The following PSMG2 variants were observed in gnomAD, a reference collection of about 807,000 sequenced individuals.
PSMG2 encodes the protein proteasome assembly chaperone 2, also known as CD40 ligand-activated specific transcript 3.
A neutral mutation model predicts 31.5 loss-of-function variants in PSMG2; 21 were observed. That is an observed-to-expected ratio of 0.67 (90% CI 0.47 to 0.96). PSMG2 has a LOEUF of 0.96. PSMG2 is among the 40% of genes least tolerant of loss of function. PSMG2 has a pLI of 0.00. For synonymous variants in PSMG2, 120 were observed against 110.4 expected, an observed-to-expected ratio of 1.09 and a Z score of -0.54; for missense variants, 318 against 321.2, an observed-to-expected ratio of 0.99 and a Z score of 0.08.
At chr18:12,719,764 C>T (rs1360159564) in intron 4 of PSMG2, among the ~76,000 whole-genome samples, 2 of 148,178 alleles carry the variant, frequency 1.3e-5, no homozygotes, top group Non-Finnish European at 3.0e-5. Context: ...TTCTCAGTTG[C>T]CCAGGCTGGA....
rs947527287 is a variant in PSMG2 at position 12,661,966 on chromosome 18, T to G, written c.-37+3193T>G. The G allele has an allele frequency of 2.7e-5, 7 of 256,882 alleles. No individual in the cohort carries two copies. The East Asian group carries it at 3.0e-4, about 11-fold the overall frequency. 15.9% of individuals were successfully genotyped at this position (256,882 alleles called of 1,614,324 possible). On this transcript the variant is annotated intron_variant, in intron 1 of 6. Coordinates refer to the PSMG2 transcript ENST00000585331. Reference sequence around the variant, plus strand: ...TGTTACTCTGAATATGATTTTGTTTTGTTGATTTTGTTACTTTATTAAAAA... The same window carrying G: ...TGTTACTCTGAATATGATTTTGTTTGGTTGATTTTGTTACTTTATTAAAAA...
intron 1 of PSMG2, among the ~76,000 whole-genome samples, chr18:12,682,087 C>T (rs543515710): frequency 1.3e-5 from 2 of 152,122 alleles, no homozygotes; most frequent in East Asian, 1.9e-4. Context: ...GTTACAATTT[C>T]GTATTTAAGT....
intron 1 of PSMG2, chr18:12,673,614 T>A (rs912007348): frequency 5.6e-5 from 45 of 799,920 alleles, no homozygotes; most frequent in Non-Finnish European, 8.4e-5. Context: ...GCGTGGTGGC[T>A]CATGCCTGTA....
intron 1 of PSMG2, among the ~76,000 whole-genome samples, chr18:12,692,971 C>T (rs2039822245): frequency 6.6e-6 from 1 of 152,152 alleles, no homozygotes; most frequent in Admixed American, 6.5e-5. Flanking sequence ...TACAGGAATG[C>T]ACCACCATGT....
upstream of PSMG2, among the ~76,000 whole-genome samples, chr18:12,701,273 A>G (rs1445762473): frequency 2.0e-5 from 3 of 152,214 alleles, no homozygotes; most frequent in African/African-American, 7.2e-5. Context: ...TTGAGTACAA[A>G]TTCTAGAAAT....
intron 1 of PSMG2, chr18:12,665,008 G>GA (rs1192277437): frequency 1.3e-5 from 2 of 152,004 alleles, no homozygotes; most frequent in Non-Finnish European, 2.9e-5. Context: ...TCTTTATTGA[G>GA]AAAAGATGGC....
chr18:12,678,467 T>C, intron 1 of PSMG2: 1 of 1,464,130 alleles, frequency 6.8e-7, no homozygotes, highest in Non-Finnish European at 9.2e-7. Context: ...TAATTTTATA[T>C]ATGAGAACTT....
At chr18:12,720,704 ATTTG>A (rs2040422816) in intron 5 of PSMG2, 21 bp downstream of exon 5, 5 of 1,599,374 alleles carry the variant, frequency 3.1e-6, no homozygotes, top group Non-Finnish European at 4.3e-6. Flanking sequence ...TTGCCTGTTC[ATTTG>A]TTTCCCACTT....
At position 12,712,768 on chromosome 18, in the gene PSMG2, T is replaced by C. The variant is rs767767139; in HGVS notation, c.288+8T>C. On this transcript the variant is annotated splice_region_variant and intron_variant, in intron 3 of 6. Transcript: ENST00000317615. ...AGATCCATTTTTATTAAGGTTAGTATGTTGTAGTTTGCCTTTTTGTTTATT... is the reference window on the plus strand; with the variant it reads ...AGATCCATTTTTATTAAGGTTAGTACGTTGTAGTTTGCCTTTTTGTTTATT... 42 of 1,594,886 alleles carry C rather than the reference T, an allele frequency of 2.6e-5. No homozygotes were observed. The South Asian group carries it at 4.5e-4, about 17-fold the overall frequency.
intron 1 of PSMG2, chr18:12,686,270 T>C: frequency 6.2e-7 from 1 of 1,613,122 alleles, no homozygotes; most frequent in Non-Finnish European, 8.5e-7. Context: ...ACCTTGTTTC[T>C]ACAGAGAAAG....
intron 1 of PSMG2, among the ~76,000 whole-genome samples, chr18:12,668,597 C>CAAAAAAAAAAAAAAAAAAA (rs752216074): frequency 8.2e-5 from 6 of 72,830 alleles, no homozygotes; most frequent in Non-Finnish European, 1.2e-4. Context: ...GATTCCATCT[C>CAAAAAAAAAAAAAAAAAAA]AAAAAAAAAA....
chr18:12,720,662 C>A lies in PSMG2; in HGVS notation c.560C>A (p.Thr187Lys), dbSNP rs1373908039. Residue 187 changes from threonine to lysine, a missense_variant, in exon 5 of 7, where the codon ACA becomes AAA. Physicochemically the swap from Thr to Lys is moderately conservative, Grantham distance 78. Coordinates refer to ENST00000317615, the MANE Select transcript of PSMG2 (RefSeq NM_020232.5). ...FCIRIPGGGI[T>K]KTLYDESCSK... ...ATCCGCATTCCGGGAGGAGGTATCACAAAAACACTCTATGATGAAAGGTGA... is the reference window on the plus strand; with the variant it reads ...ATCCGCATTCCGGGAGGAGGTATCAAAAAAACACTCTATGATGAAAGGTGA... The A allele has an allele frequency of 1.1e-5, 17 of 1,609,776 alleles. No homozygotes were observed. The highest frequency in any genetic ancestry group is 1.7e-5 in the Admixed American group (1 of 58,502).
chr18:12,669,162 G>C (rs1036946481), intron 1 of PSMG2, among the ~76,000 whole-genome samples: 3 of 147,372 alleles, frequency 2.0e-5, no homozygotes, highest in Admixed American at 1.4e-4. Flanking sequence ...TCCCAAGCTG[G>C]AGTGCAGTGG....
At chr18:12,721,612 T>G (rs1171575596) in intron 5 of PSMG2, among the ~76,000 whole-genome samples, 9 of 152,166 alleles carry the variant, frequency 5.9e-5, no homozygotes, top group East Asian at 5.8e-4. Context: ...TTTGAGTCTT[T>G]TCTTTTTTTT....
intron 1 of PSMG2, among the ~76,000 whole-genome samples, chr18:12,704,977 G>A (rs2040249744): frequency 6.6e-6 from 1 of 152,182 alleles, no homozygotes; most frequent in Non-Finnish European, 1.5e-5. Flanking sequence ...AAGGATACTT[G>A]GGGGATAGCC....
At chr18:12,710,340 A>G (rs900052301) in intron 2 of PSMG2, among the ~76,000 whole-genome samples, 2 of 152,224 alleles carry the variant, frequency 1.3e-5, no homozygotes, top group Admixed American at 6.5e-5. Flanking sequence ...TTGCTGTGAT[A>G]GGGGCACTTA....
At chr18:12,693,789 C>G (rs1208035580) in intron 1 of PSMG2, among the ~76,000 whole-genome samples, 2 of 151,912 alleles carry the variant, frequency 1.3e-5, no homozygotes, top group Non-Finnish European at 2.9e-5. Context: ...CTGAAAAAAA[C>G]AAACAAAAAA....
intron 1 of PSMG2, among the ~76,000 whole-genome samples, chr18:12,663,836 C>T (rs1405765097): frequency 1.3e-5 from 2 of 152,170 alleles, no homozygotes; most frequent in Non-Finnish European, 2.9e-5. Flanking sequence ...GTGGTGCGAT[C>T]ATAGCTCACT....
rs1275454199 is a variant in PSMG2 at position 12,703,126 on chromosome 18, G to T, written c.19G>T (p.Glu7Ter). 1.2e-6 allele frequency: 2 copies of T among 1,612,626 alleles called. No homozygotes were observed. Among genetic ancestry groups the T allele is most frequent in the Middle Eastern group, 1.6e-4 (1 of 6,062 alleles). Residue 7 changes from glutamate to a stop codon, truncating the protein, a stop_gained, in exon 1 of 7, where the codon GAG becomes TAG. Transcript: ENST00000317615. LOFTEE classifies it high-confidence loss of function. ...TGCGACCATGTTCGTTCCCTGCGGG[G>T]AGTCGGCCCCCGACCTTGCCGGCTT... Reference protein sequence around the residue: MFVPCGESAPDLAGFTL... With the variant: MFVPCG
Sources: allele counts gnomAD v4.1 joint callset (sites outside exome capture counted in the v4.1 genomes callset), GRCh38; gene constraint gnomAD v4.1.1; transcripts MANE v1.5; gene names NCBI Gene and HGNC (gene_info 2026-07-23, HGNC 2026-07-21).